BSPRY: variants seen among roughly 807,000 people sequenced by gnomAD.
The protein encoded by BSPRY is B box and SPRY domain-containing protein.
In BSPRY, 33 loss-of-function variants were observed where a neutral mutation model predicts 38.0. The observed-to-expected ratio is 0.87, with a 90% CI of 0.66 to 1.16. The LOEUF (loss-of-function observed/expected upper bound fraction) is 1.16. BSPRY is among the 50% of genes most tolerant of loss of function. BSPRY has a pLI of 0.00. For synonymous variants in BSPRY, 224 were observed against 228.5 expected, an observed-to-expected ratio of 0.98 and a Z score of 0.18; for missense variants, 523 against 533.2, an observed-to-expected ratio of 0.98 and a Z score of 0.19.
At chr9:113,352,914 A>G (rs2118903932) in intron 1 of BSPRY, among the ~76,000 whole-genome samples, 1 of 152,252 alleles carries the variant, frequency 6.6e-6, no homozygotes, top group South Asian at 2.1e-4. Context: ...CACTAATGGA[A>G]TTGATGTGGG....
At chr9:113,355,165 A>G (rs1834037578) in intron 2 of BSPRY, among the ~76,000 whole-genome samples, 1 of 152,160 alleles carries the variant, frequency 6.6e-6, no homozygotes, top group African/African-American at 2.4e-5. Flanking sequence ...CCTCCACTGC[A>G]GATTTTTTTA....
intron 2 of BSPRY, among the ~76,000 whole-genome samples, chr9:113,357,951 A>G: frequency 1.5e-5 from 2 of 129,972 alleles, no homozygotes; most frequent in Non-Finnish European, 3.2e-5. Context: ...TATCTCTATT[A>G]AGCTTATTCA....
intron 4 of BSPRY, among the ~76,000 whole-genome samples, chr9:113,365,024 TG>T (rs1326620962): frequency 6.6e-6 from 1 of 152,008 alleles, no homozygotes; most frequent in Admixed American, 6.6e-5. Context: ...GTTTATCTGA[TG>T]TTATCTTATG....
chr9:113,368,442 G>C, intron 5 of BSPRY, 59 bp downstream of exon 5: 5 of 1,586,026 alleles, frequency 3.2e-6, no homozygotes, highest in Non-Finnish European at 4.3e-6. Context: ...TGTCTGTCTG[G>C]GGTTCACTCC....
At chr9:113,360,469 G>T (rs1316786580) in intron 2 of BSPRY, 38 bp from the exon 3 acceptor site, 8 of 1,557,264 alleles carry the variant, frequency 5.1e-6, no homozygotes, top group African/African-American at 4.0e-5. Context: ...CCGGGGCTTT[G>T]CACAGACCAC....
intron 3 of BSPRY, among the ~76,000 whole-genome samples, chr9:113,362,095 T>C (rs890599515): frequency 6.6e-6 from 1 of 151,972 alleles, no homozygotes; most frequent in African/African-American, 2.4e-5. Flanking sequence ...GAACAGGCGA[T>C]GGTCCTGAGT....
chr9:113,368,005 A>AT (rs1422630566), intron 4 of BSPRY, among the ~76,000 whole-genome samples: 1 of 151,832 alleles, frequency 6.6e-6, no homozygotes, highest in African/African-American at 2.4e-5. Context: ...TAATTTTTAA[A>AT]TTTTTTGTAG....
At chr9:113,365,534 A>G (rs1192349235) in intron 4 of BSPRY, among the ~76,000 whole-genome samples, 1 of 152,204 alleles carries the variant, frequency 6.6e-6, no homozygotes, top group East Asian at 1.9e-4. Flanking sequence ...CACAAGAAGC[A>G]CAAGAAGAAA....
rs532709469 is a variant in BSPRY at position 113,370,137 on chromosome 9, C to T, written c.1204C>T (p.Arg402Cys). Residue 402 changes from arginine (R) to cysteine (C), a missense_variant, in exon 6 of 6, where the codon CGC becomes TGC. Transcript: ENST00000374183. This position sits in a 1 kb window ranked among gnomAD's most constrained non-coding sequence, Gnocchi z 4.8. ...GGCCGATCAGACCATTTCTATCGTC[C>T]GCTGACCTCTGGCCACAGGAAGCCA... is the stretch of plus-strand genomic sequence containing the variant. ...AVADQTISIV[R>C] 2.1e-5 allele frequency: 32 copies of T among 1,558,378 alleles called. No homozygotes were observed. The highest frequency in any genetic ancestry group is 1.1e-4 in the East Asian group (5 of 44,322).
chr9:113,361,949 CTG>C (rs1219068156), intron 3 of BSPRY, among the ~76,000 whole-genome samples: 1 of 152,232 alleles, frequency 6.6e-6, no homozygotes, highest in Non-Finnish European at 1.5e-5. Flanking sequence ...CTGCTCGAAA[CTG>C]TGCATTCATT....
intron 2 of BSPRY, among the ~76,000 whole-genome samples, chr9:113,359,787 C>A (rs139833551): frequency 4.6e-5 from 7 of 152,098 alleles, no homozygotes; most frequent in African/African-American, 1.7e-4. Flanking sequence ...ATAATCCCAG[C>A]GCTTTGTGGG....
intron 3 of BSPRY, 91 bp from the exon 4 acceptor site, chr9:113,362,278 T>C: frequency 7.2e-7 from 1 of 1,390,580 alleles, no homozygotes; most frequent in South Asian, 1.2e-5. Flanking sequence ...AGAGTCCACA[T>C]GGAGCCCTTT....
intron 4 of BSPRY, among the ~76,000 whole-genome samples, chr9:113,364,431 C>T (rs1834211359): frequency 6.6e-6 from 1 of 152,164 alleles, no homozygotes; most frequent in Non-Finnish European, 1.5e-5. Flanking sequence ...TCTTCTCTAT[C>T]TCCTTTATCT....
At chr9:113,368,688 T>C (rs1433661667) in intron 5 of BSPRY, among the ~76,000 whole-genome samples, 1 of 152,216 alleles carries the variant, frequency 6.6e-6, no homozygotes, top group Non-Finnish European at 1.5e-5. Flanking sequence ...ATTGGAAACC[T>C]GGGGTTTCTC....
At chr9:113,353,147 G>T (rs903778958) in intron 1 of BSPRY, among the ~76,000 whole-genome samples, 4 of 151,774 alleles carry the variant, frequency 2.6e-5, no homozygotes, top group Admixed American at 1.3e-4. Flanking sequence ...CAGCACTTTG[G>T]GGGGCTGAGG....
chr9:113,369,264 C>T (rs1162701312), intron 5 of BSPRY, among the ~76,000 whole-genome samples: 4 of 152,186 alleles, frequency 2.6e-5, no homozygotes, highest in Admixed American at 6.5e-5. Context: ...CATTTTGCCC[C>T]TCCCACCAAG....
Position 113,349,597 on chromosome 9 carries a change from G to A in BSPRY, c.18G>A (p.Ala6=). 2 of 1,182,534 alleles carry A rather than the reference G, an allele frequency of 1.7e-6. No individual in the cohort carries two copies. The highest frequency in any genetic ancestry group is 1.0e-6 in the Non-Finnish European group (1 of 956,862). 73.3% of individuals were successfully genotyped at this position (1,182,534 alleles called of 1,614,324 possible). A position where few individuals can be genotyped will look rare whatever the true frequency, so the allele number is the denominator to read the frequency against. ...GCACGGCCATGTCCGCCGAGGGCGCGGAGCCGGGGCCGGGGTCCGGGTCCG... is the reference window on the plus strand; with the variant it reads ...GCACGGCCATGTCCGCCGAGGGCGCAGAGCCGGGGCCGGGGTCCGGGTCCG... MSAEG[A]EPGPGSGSGP... The change falls in exon 1 of 6, where the codon GCG becomes GCA. Residue 6 remains alanine, a synonymous_variant. Coordinates refer to ENST00000374183, the MANE Select transcript of BSPRY (RefSeq NM_017688.3).
intron 3 of BSPRY, among the ~76,000 whole-genome samples, 195 bp from the exon 4 acceptor site, chr9:113,362,174 G>GGGGGGT (rs1554734197): frequency 1.1e-4 from 15 of 141,344 alleles, no homozygotes; most frequent in African/African-American, 3.7e-4. Context: ...ATGTGTTATG[G>GGGGGGT]GTGTGTGTGT....
intron 1 of BSPRY, among the ~76,000 whole-genome samples, chr9:113,350,167 C>T (rs2118898810): frequency 6.6e-6 from 1 of 152,244 alleles, no homozygotes; most frequent in Admixed American, 6.5e-5. Context: ...GAAGCTGGGG[C>T]TGGCATGAAA....
Sources: gnomAD v4.1 joint callset for allele counts (sites outside exome capture counted in the v4.1 genomes callset) on GRCh38, gnomAD v4.1.1 for gene constraint, Gnocchi (gnomAD v3.1) non-coding constraint, MANE v1.5 for transcripts, NCBI Gene and HGNC (gene_info 2026-07-23, HGNC 2026-07-21) for gene names.